Variants in ADGRF5 observed in about 807,000 individuals in gnomAD.
ADGRF5 encodes adhesion G protein-coupled receptor F5.
Under a neutral mutation model 132.3 loss-of-function variants are expected in ADGRF5, and 75 were observed. The ratio of observed to expected loss-of-function variants is 0.57; its 90% CI spans 0.47 to 0.69. The LOEUF (loss-of-function observed/expected upper bound fraction) is 0.69, where lower values mean the gene tolerates loss of function less well. Among genes scored for constraint, ADGRF5 ranks in the 30% least tolerant of loss-of-function variants. The pLI is 0.00. For synonymous variants in ADGRF5, 629 were observed against 597.6 expected (o/e 1.05, Z -0.77); for missense variants, 1,516 against 1,630.6 (o/e 0.93, Z 1.21).
Position 46,852,637 on chromosome 6 carries a change from A to C in ADGRF5, c.*1355T>G, listed in dbSNP as rs1312891093. 4 of 113,964 alleles carry C rather than the reference A, an allele frequency of 3.5e-5. No homozygotes were observed. The highest frequency in any genetic ancestry group is 7.9e-5 in the Admixed American group (1 of 12,668). The allele number at this position is 113,964 out of a possible 1,614,324, so 7.1% of individuals were successfully genotyped here. A position where few individuals can be genotyped will look rare whatever the true frequency, so the allele number is the denominator to read the frequency against. ...TATATTTTTTAATGAAATACACACC[A>C]AAAAAAAGCACACATGCAGATAATT... On this transcript the variant is annotated 3_prime_UTR_variant, in exon 21 of 21. Transcript: ENST00000283296.
In ADGRF5 at chr6:46,860,901, A is replaced by C; in HGVS notation, c.2200-7T>G. The stretch of plus-strand genomic sequence containing the variant: ...AGGGGCTCTTGATCAAAGCCTAGTA[A>C]AACAAAAGCCAACACAAAAAAAAAT... On this transcript the variant is annotated splice_polypyrimidine_tract_variant and splice_region_variant and intron_variant, in intron 15 of 20. Transcript: ENST00000283296. 6.3e-7 allele frequency: 1 copy of C among 1,577,806 alleles called. No individual in the cohort carries two copies. Among genetic ancestry groups the C allele is most frequent in the Non-Finnish European group, 8.6e-7 (1 of 1,158,418 alleles).
chr6:46,947,827 GA>G, intron 1 of ADGRF5, among the ~76,000 whole-genome samples: 1 of 152,284 alleles, frequency 6.6e-6, no homozygotes, highest in South Asian at 2.1e-4. Context: ...GCGGACCTTG[GA>G]GGGGGGACCT....
rs1184450899 is a variant in ADGRF5, at chr6:46,878,266, G to A, written c.1176C>T (p.Cys392=). The A allele has an allele frequency of 6.2e-7, 1 of 1,613,616 alleles. No homozygotes were observed. Among genetic ancestry groups the A allele is most frequent in the Non-Finnish European group, 8.5e-7 (1 of 1,179,628 alleles). ...TGCTCCAATTAACATTACCCTGACT[G>A]CAGCAGTTCAAAGATACAGGATTGT... The part of the protein sequence containing the change: ...CDNNPVSLNC[C]SQGNVNWSKV... Residue 392 remains cysteine (C), a synonymous_variant, in exon 10 of 21, where the codon TGC becomes TGT. Coordinates refer to ENST00000283296, the MANE Select transcript of ADGRF5 (RefSeq NM_001098518.2).
At chr6:46,902,188 T>A (rs973448808) in intron 2 of ADGRF5, among the ~76,000 whole-genome samples, 6 of 152,222 alleles carry the variant, frequency 3.9e-5, no homozygotes, top group African/African-American at 1.4e-4. Context: ...GGAGAATGCT[T>A]TGGCTTTCTG....
chr6:46,913,283 A>G (rs1776128086), intron 1 of ADGRF5, among the ~76,000 whole-genome samples: 1 of 152,080 alleles, frequency 6.6e-6, no homozygotes. Context: ...GGATCACCAG[A>G]TGTCTGGAGT....
intron 3 of ADGRF5, among the ~76,000 whole-genome samples, chr6:46,893,676 A>G (rs1411881768): frequency 6.6e-6 from 1 of 152,090 alleles, no homozygotes; most frequent in African/African-American, 2.4e-5. Flanking sequence ...GCTCCTCAGG[A>G]TGTCTGAATC....
At chr6:46,877,994 A>G (rs764258611) in intron 10 of ADGRF5, among the ~76,000 whole-genome samples, 1 of 152,122 alleles carries the variant, frequency 6.6e-6, no homozygotes, top group Non-Finnish European at 1.5e-5. Flanking sequence ...TCTACAACCA[A>G]AGCACGACAC....
chr6:46,901,012 A>G (rs1232653189), intron 2 of ADGRF5, among the ~76,000 whole-genome samples: 1 of 152,196 alleles, frequency 6.6e-6, no homozygotes, highest in Non-Finnish European at 1.5e-5. Context: ...TGCGAGGACA[A>G]AATGATTAAT....
chr6:46,873,297 C>A (rs754633908), intron 10 of ADGRF5, among the ~76,000 whole-genome samples: 3 of 152,156 alleles, frequency 2.0e-5, no homozygotes, highest in African/African-American at 4.8e-5. Context: ...TCTGTGTTTG[C>A]CACTTCCAAT....
chr6:46,874,830 G>C (rs897357219), intron 10 of ADGRF5, among the ~76,000 whole-genome samples: 1 of 152,164 alleles, frequency 6.6e-6, no homozygotes, highest in African/African-American at 2.4e-5. Context: ...CTCAATGAGG[G>C]GCAATTTTGC....
chr6:46,922,359 C>T (rs1393147266), upstream of ADGRF5, among the ~76,000 whole-genome samples: 1 of 152,168 alleles, frequency 6.6e-6, no homozygotes, highest in African/African-American at 2.4e-5. Context: ...GCTTAGTCCT[C>T]CCCCGCGGGA....
intron 4 of ADGRF5, chr6:46,887,183 G>C (rs1773145723): frequency 6.6e-6 from 1 of 152,176 alleles, no homozygotes; most frequent in Non-Finnish European, 1.5e-5. Context: ...GGTCTGTTTT[G>C]TTTACTGGAT....
chr6:46,883,396 A>G (rs1296024482), intron 6 of ADGRF5, among the ~76,000 whole-genome samples, 163 bp downstream of exon 6: 2 of 152,224 alleles, frequency 1.3e-5, no homozygotes, highest in Non-Finnish European at 2.9e-5. Flanking sequence ...CCTAAACATG[A>G]TTTGATTTGA....
chr6:46,945,064 G>A (rs906733885), intron 1 of ADGRF5, among the ~76,000 whole-genome samples: 6 of 152,264 alleles, frequency 3.9e-5, no homozygotes, highest in African/African-American at 7.2e-5. Context: ...GTGAAGTGAC[G>A]ATCTTGAAAA....
intron 13 of ADGRF5, 71 bp from the exon 14 acceptor site, chr6:46,865,268 C>T (rs1770286566): frequency 2.8e-6 from 3 of 1,083,870 alleles, no homozygotes; most frequent in East Asian, 2.4e-5. Context: ...GTTAAGATAA[C>T]CTAATATGAA....
At chr6:46,871,745 A>T (rs1475761097) in intron 11 of ADGRF5, 98 bp downstream of exon 11, 1 of 778,544 alleles carries the variant, frequency 1.3e-6, no homozygotes, top group South Asian at 2.5e-5. Flanking sequence ...TCTGTCCATT[A>T]TTTTGCTCAT....
At chr6:46,902,043 G>A (rs948860140) in intron 2 of ADGRF5, among the ~76,000 whole-genome samples, 3 of 152,190 alleles carry the variant, frequency 2.0e-5, no homozygotes, top group Non-Finnish European at 4.4e-5. Context: ...ATAGGGGAAT[G>A]ATGGATGATG....
intron 1 of ADGRF5, among the ~76,000 whole-genome samples, chr6:46,947,024 TGA>T (rs1264262175): frequency 1.3e-5 from 2 of 152,222 alleles, no homozygotes; most frequent in African/African-American, 2.4e-5. Context: ...TGCAACACGT[TGA>T]GTTTGTGTGT....
intron 20 of ADGRF5, 92 bp downstream of exon 20, chr6:46,855,882 A>G: frequency 2.7e-6 from 2 of 743,754 alleles, no homozygotes; most frequent in South Asian, 1.5e-5. Context: ...GGTAAATGCC[A>G]TGAGCGGGGT....
Sources: allele counts gnomAD v4.1 joint callset (sites outside exome capture counted in the v4.1 genomes callset), GRCh38; gene constraint gnomAD v4.1.1; transcripts MANE v1.5; gene names NCBI Gene and HGNC (gene_info 2026-07-23, HGNC 2026-07-21).